Variants in CTNND2 observed in about 807,000 individuals in gnomAD.
CTNND2 encodes the protein catenin delta 2, also known as catenin delta-2.
Under a neutral mutation model 144.4 loss-of-function variants are expected in CTNND2, and 22 were observed. The ratio of observed to expected loss-of-function variants is 0.15; its 90% CI spans 0.11 to 0.22. The LOEUF (loss-of-function observed/expected upper bound fraction) is 0.22, where lower values mean the gene tolerates loss of function less well. Ranked by LOEUF, CTNND2 falls within the 10% of genes least tolerant of loss-of-function variation. The pLI is 1.00. For synonymous variants in CTNND2, 751 were observed against 695.6 expected, an observed-to-expected ratio of 1.08 and a Z score of -1.25; for missense variants, 1,353 against 1,618.8, an observed-to-expected ratio of 0.84 and a Z score of 2.82.
intron 15 of CTNND2, among the ~76,000 whole-genome samples, chr5:11,091,363 T>G (rs140838231): frequency 1.3e-5 from 2 of 152,234 alleles, no homozygotes; most frequent in Non-Finnish European, 2.9e-5. Flanking sequence ...ATTTTCCATG[T>G]GTAACTTTTA....
chr5:11,829,238 A>G (rs1561839587), intron 1 of CTNND2, among the ~76,000 whole-genome samples: 1 of 152,238 alleles, frequency 6.6e-6, no homozygotes, highest in Non-Finnish European at 1.5e-5. Context: ...TTCTGAAAAG[A>G]AATCCAAGCT....
chr5:11,468,879 T>C (rs1016734992), intron 3 of CTNND2, among the ~76,000 whole-genome samples: 4 of 152,056 alleles, frequency 2.6e-5, no homozygotes, highest in Admixed American at 2.6e-4. Context: ...ACGATCAACT[T>C]TGTGGAAGGG....
At chr5:11,295,592 G>T (rs1177737210) in intron 9 of CTNND2, among the ~76,000 whole-genome samples, 2 of 152,104 alleles carry the variant, frequency 1.3e-5, no homozygotes, top group East Asian at 3.8e-4. Context: ...ATACTACAAG[G>T]CTACAGTAAC....
intron 10 of CTNND2, among the ~76,000 whole-genome samples, chr5:11,227,348 A>C (rs1174071142): frequency 6.6e-6 from 1 of 152,192 alleles, no homozygotes; most frequent in African/African-American, 2.4e-5. Context: ...AACTTGCTCA[A>C]GGTCATGGAG....
At chr5:11,282,940 G>A (rs553871529) in intron 9 of CTNND2, among the ~76,000 whole-genome samples, 2 of 152,230 alleles carry the variant, frequency 1.3e-5, no homozygotes, top group South Asian at 2.1e-4. Context: ...AACTTGCCTC[G>A]TTCTAGCACT....
rs61758957 is a variant in CTNND2 at position 11,461,727 on chromosome 5, A to C, written c.288-49658T>G. 4.1e-3 allele frequency among the ~76,000 whole-genome samples: 623 copies of C among 152,342 alleles called. 13 individuals carry two copies. In the East Asian group the frequency reaches 0.052, roughly 13 times the overall value. ...CACTTCTTGTAAACAAAGAAACAAA[A>C]GAGTGACATTTAAGAAAATTTCAAA... On this transcript the variant is annotated intron_variant, in intron 3 of 21. Coordinates refer to ENST00000304623, the MANE Select transcript of CTNND2 (RefSeq NM_001332.4).
At chr5:11,490,858 C>T (rs1180580344) in intron 3 of CTNND2, among the ~76,000 whole-genome samples, 2 of 152,116 alleles carry the variant, frequency 1.3e-5, no homozygotes, top group Admixed American at 6.6e-5. Context: ...CATGGTGGCT[C>T]ACCCCTGTAA....
intron 9 of CTNND2, among the ~76,000 whole-genome samples, chr5:11,289,009 T>C (rs888050086): frequency 3.9e-5 from 6 of 152,150 alleles, no homozygotes; most frequent in Non-Finnish European, 7.4e-5. Flanking sequence ...AGAATCCCCA[T>C]GTGGCCTTTA....
chr5:11,638,214 G>A (rs56400205), intron 2 of CTNND2, among the ~76,000 whole-genome samples: 6,547 of 152,050 alleles, frequency 0.043, 298 homozygotes, highest in East Asian at 0.18. Flanking sequence ...ATTTGCCACC[G>A]GACTGTGTTA....
intron 3 of CTNND2, among the ~76,000 whole-genome samples, chr5:11,450,290 T>A (rs1186468851): frequency 6.6e-6 from 1 of 152,192 alleles, no homozygotes; most frequent in Non-Finnish European, 1.5e-5. Flanking sequence ...TAGAAGCTGT[T>A]ATTCCATATG....
intron 1 of CTNND2, among the ~76,000 whole-genome samples, chr5:11,841,727 T>A (rs769878912): frequency 3.9e-5 from 6 of 152,070 alleles, no homozygotes; most frequent in Non-Finnish European, 8.8e-5. Flanking sequence ...CCATGTTTCC[T>A]GATCTGTAAA....
intron 3 of CTNND2, among the ~76,000 whole-genome samples, chr5:11,467,544 T>C (rs1191701853): frequency 6.6e-6 from 1 of 152,220 alleles, no homozygotes; most frequent in African/African-American, 2.4e-5. Flanking sequence ...GTTCTGGCCT[T>C]TGAAATATAA....
intron 16 of CTNND2, among the ~76,000 whole-genome samples, chr5:11,041,967 C>G (rs141798873): frequency 6.6e-6 from 1 of 152,276 alleles, no homozygotes; most frequent in East Asian, 1.9e-4. Context: ...GACCAACAGA[C>G]ACAATGAAGC....
At chr5:11,188,184 A>G (rs1735839305) in intron 11 of CTNND2, among the ~76,000 whole-genome samples, 1 of 152,198 alleles carries the variant, frequency 6.6e-6, no homozygotes, top group African/African-American at 2.4e-5. Context: ...TCACAATAGC[A>G]AAGACATGAA....
chr5:11,221,626 C>A (rs968270006), intron 10 of CTNND2, among the ~76,000 whole-genome samples: 1 of 152,196 alleles, frequency 6.6e-6, no homozygotes, highest in Non-Finnish European at 1.5e-5. Flanking sequence ...TCACATGATA[C>A]GAAGCCTTCT....
chr5:11,023,758 C>T lies in CTNND2; in HGVS notation c.2789-779G>A, dbSNP rs143925257. The stretch of plus-strand genomic sequence containing the variant: ...CTTAATTCACTTTAACATTATTAAT[C>T]TTACTATTCCCAATGACAAAGGTAC... On this transcript the variant is annotated intron_variant, in intron 16 of 21. Transcript: ENST00000304623. Among the ~76,000 whole-genome samples the T allele has an allele frequency of 3.8e-4, 58 of 152,292 alleles. 1 individual carries two copies. Among genetic ancestry groups the T allele is most frequent in the African/African-American group, 1.4e-3 (58 of 41,574 alleles).
chr5:11,240,992 CAACACACACACCA>C (rs1012867111), intron 9 of CTNND2, among the ~76,000 whole-genome samples: 3 of 147,120 alleles, frequency 2.0e-5, no homozygotes, highest in African/African-American at 5.0e-5. Context: ...CACACACACC[CAACACACACACCA>C]AACACACACA....
intron 3 of CTNND2, chr5:11,508,329 T>C (rs1581369956): frequency 6.6e-6 from 1 of 152,220 alleles, no homozygotes; most frequent in South Asian, 2.1e-4. Flanking sequence ...TCTGACTTTT[T>C]CCCTTGCTGT....
intron 12 of CTNND2, 44 bp downstream of exon 12, chr5:11,159,532 C>T (rs1758553407): frequency 2.0e-6 from 3 of 1,499,872 alleles, no homozygotes; most frequent in East Asian, 2.4e-5. Flanking sequence ...AGTGTCTGGC[C>T]AGGGGAAGAT....
Sources: allele counts gnomAD v4.1 joint callset (sites outside exome capture counted in the v4.1 genomes callset), GRCh38; gene constraint gnomAD v4.1.1; transcripts MANE v1.5; gene names NCBI Gene and HGNC (gene_info 2026-07-23, HGNC 2026-07-21).